OSBPL5: variants seen among roughly 807,000 people sequenced by gnomAD.
OSBPL5 encodes oxysterol-binding protein-related protein 5.
A neutral mutation model predicts 111.2 loss-of-function variants in OSBPL5; 71 were observed. The observed-to-expected ratio is 0.64, with a 90% CI of 0.53 to 0.78. The LOEUF (loss-of-function observed/expected upper bound fraction) is 0.78. OSBPL5 is among the 30% of genes least tolerant of loss of function. The pLI, the probability that OSBPL5 is intolerant of heterozygous loss-of-function variation, is 0.00. For synonymous variants in OSBPL5, 549 were observed against 513.9 expected (o/e 1.07, Z -0.93); for missense variants, 1,210 against 1,189.3 (o/e 1.02, Z -0.26).
chr11:3,136,308 C>T lies in OSBPL5; in HGVS notation c.-21-7139G>A, dbSNP rs1296360491. Among the ~76,000 whole-genome samples the T allele has an allele frequency of 3.9e-5, 6 of 152,380 alleles. No individual in the cohort carries two copies. The East Asian group carries it at 1.2e-3, about 29-fold the overall frequency. On this transcript the variant is annotated intron_variant, in intron 1 of 21. Coordinates refer to ENST00000263650, the MANE Select transcript of OSBPL5 (RefSeq NM_020896.4). Reference sequence around the variant, plus strand: ...CCTTACCCCCTGCCTCCCAGACGCTCGCCTTCAGGCTAGGATAAAGGGATT... The same window carrying T: ...CCTTACCCCCTGCCTCCCAGACGCTTGCCTTCAGGCTAGGATAAAGGGATT...
chr11:3,092,312 G>A lies in OSBPL5; in HGVS notation c.2259+120C>T, dbSNP rs1311002442. 1.1e-5 allele frequency: 15 copies of A among 1,322,806 alleles called. No individual in the cohort carries two copies. In the East Asian group the frequency reaches 3.6e-4, roughly 32 times the overall value. 81.9% of individuals were successfully genotyped at this position (1,322,806 alleles called of 1,614,324 possible). Reference sequence around the variant, plus strand: ...AAGGAAAGGGGACGAGGGGGCTGGGGGATGAGGGCGTGAGGGAAACGGAGC... The same window carrying A: ...AAGGAAAGGGGACGAGGGGGCTGGGAGATGAGGGCGTGAGGGAAACGGAGC... On this transcript the variant is annotated intron_variant, in intron 19 of 21. Coordinates refer to ENST00000263650, the MANE Select transcript of OSBPL5 (RefSeq NM_020896.4). This position sits in a 1 kb window ranked among gnomAD's most constrained non-coding sequence, Gnocchi z 5.4.
chr11:3,102,745 G>A lies in OSBPL5; in HGVS notation c.1327-464C>T, dbSNP rs567960105. Among the ~76,000 whole-genome samples the A allele has an allele frequency of 7.6e-4, 115 of 152,260 alleles. 1 individual carries two copies. Among genetic ancestry groups the A allele is most frequent in the South Asian group, 2.5e-3 (12 of 4,820 alleles). On this transcript the variant is annotated intron_variant, in intron 11 of 21. Coordinates refer to ENST00000263650, the MANE Select transcript of OSBPL5 (RefSeq NM_020896.4). ...GTGGTTTTCAAACTTGCTTCCCATG[G>A]AACCCCAGGGCTCTGTGGTGGGGTC...
At position 3,108,063 on chromosome 11, in the gene OSBPL5, C is replaced by A; in HGVS notation, c.692-118G>T. ...CTCTTCAGGGACCCACCCCCTCCAT[C>A]CCAGACCCACCCCTGGCCCTGCCCC... On this transcript the variant is annotated intron_variant, in intron 7 of 21. Transcript: ENST00000263650. The A allele has an allele frequency of 2.3e-6, 3 of 1,321,488 alleles. No homozygotes were observed. In the South Asian group the frequency reaches 4.3e-5, roughly 19 times the overall value. The allele number at this position is 1,321,488 out of a possible 1,614,324, so 81.9% of individuals were successfully genotyped here. A position where few individuals can be genotyped will look rare whatever the true frequency, so the allele number is the denominator to read the frequency against.
At position 3,101,616 on chromosome 11, in the gene OSBPL5, CT is replaced by C; in HGVS notation, c.1508del (p.Lys503SerfsTer22). The C allele has an allele frequency of 1.2e-6, 2 of 1,613,878 alleles. No individual in the cohort carries two copies. The highest frequency in any genetic ancestry group is 1.7e-6 in the Non-Finnish European group (2 of 1,179,958). On this transcript the variant is annotated frameshift_variant, in exon 13 of 22. Transcript: ENST00000263650. LOFTEE classifies it high-confidence loss of function. ...TGACCCCCTCACCATAAAACCTGGACTTGGCTGTGATGCTGCCACTGATGCA... is the reference window on the plus strand; with the variant it reads ...TGACCCCCTCACCATAAAACCTGGACTGGCTGTGATGCTGCCACTGATGCA... ...GFCISGSITA[K>X]SRFYGNSLSA...
At chr11:3,143,303 C>T (rs1018657897) in intron 1 of OSBPL5, among the ~76,000 whole-genome samples, 12 of 151,846 alleles carry the variant, frequency 7.9e-5, no homozygotes, top group Admixed American at 3.3e-4. Context: ...GACCAGCGAC[C>T]GGCTCCAGGG....
chr11:3,102,851 G>C (rs1325071928), intron 11 of OSBPL5, among the ~76,000 whole-genome samples: 1 of 152,180 alleles, frequency 6.6e-6, no homozygotes, highest in Non-Finnish European at 1.5e-5. Flanking sequence ...GGTTCTAAAA[G>C]GGGTTTCCAT....
At chr11:3,164,657 T>C (rs942576180) in intron 1 of OSBPL5, among the ~76,000 whole-genome samples, 6 of 152,172 alleles carry the variant, frequency 3.9e-5, no homozygotes, top group Non-Finnish European at 1.5e-5. Context: ...GGTCCTTCCC[T>C]AGCCTGTAAT....
At position 3,113,466 on chromosome 11, in the gene OSBPL5, C is replaced by T. The variant is rs556395691; in HGVS notation, c.692-5521G>A. ...AGTCAGGAGTTCAAGACCAGTCTGG[C>T]CAACATAGTGAAACCCCATCTCTAC... On this transcript the variant is annotated intron_variant, in intron 7 of 21. Transcript: ENST00000263650. This position sits in a 1 kb window ranked among gnomAD's most constrained non-coding sequence, Gnocchi z 4.8. 3.3e-5 allele frequency among the ~76,000 whole-genome samples: 5 copies of T among 152,048 alleles called. No homozygotes were observed. The highest frequency in any genetic ancestry group is 5.9e-5 in the Non-Finnish European group (4 of 68,028).
At position 3,137,372 on chromosome 11, in the gene OSBPL5, C is replaced by T. The variant is rs77275852; in HGVS notation, c.-21-8203G>A. ...TGGGCCCTGGGGGGCTTGGGACATGCGCTTTCCCAGGACATCTGCTGCACT... is the reference window on the plus strand; with the variant it reads ...TGGGCCCTGGGGGGCTTGGGACATGTGCTTTCCCAGGACATCTGCTGCACT... On this transcript the variant is annotated intron_variant, in intron 1 of 21. Coordinates refer to ENST00000263650, the MANE Select transcript of OSBPL5 (RefSeq NM_020896.4). Among the ~76,000 whole-genome samples the T allele has an allele frequency of 6.3e-3, 962 of 152,342 alleles. 13 individuals are homozygous for T. The highest frequency in any genetic ancestry group is 0.022 in the African/African-American group (908 of 41,572).
rs1378769363 is a variant in OSBPL5, at chr11:3,162,443, C to G, written c.-22+2773G>C. Among the ~76,000 whole-genome samples the G allele has an allele frequency of 6.6e-6, 1 of 152,014 alleles. No individual in the cohort carries two copies. The highest frequency in any genetic ancestry group is 2.4e-5 in the African/African-American group (1 of 41,382). On this transcript the variant is annotated intron_variant, in intron 1 of 21. Coordinates refer to ENST00000263650, the MANE Select transcript of OSBPL5 (RefSeq NM_020896.4). The surrounding 1 kb of genome is among the most constrained non-coding windows in gnomAD (Gnocchi z 8.1). ...ACCTCAAGCCCTGGTCCTGAGGACA[C>G]AGCTGGTGCCCACTCCGCTTAGTGT...
At chr11:3,148,423 C>A (rs921032692) in intron 1 of OSBPL5, among the ~76,000 whole-genome samples, 3 of 152,220 alleles carry the variant, frequency 2.0e-5, no homozygotes. Flanking sequence ...CTTTGCCCCC[C>A]ACACCTTCCT....
At chr11:3,152,921 C>T (rs1382174716) in intron 1 of OSBPL5, among the ~76,000 whole-genome samples, 2 of 152,156 alleles carry the variant, frequency 1.3e-5, no homozygotes, top group East Asian at 1.9e-4. Context: ...CGCGTCCGTC[C>T]GCTCCCGGTT....
intron 14 of OSBPL5, among the ~76,000 whole-genome samples, chr11:3,097,973 C>T (rs2134398335): frequency 6.6e-6 from 1 of 152,234 alleles, no homozygotes; most frequent in Admixed American, 6.5e-5. Context: ...GAGGCTGAGG[C>T]AGGAGAATTG....
Position 3,088,085 on chromosome 11 carries a change from G to T in OSBPL5, c.*120C>A. On this transcript the variant is annotated 3_prime_UTR_variant, in exon 22 of 22. Coordinates refer to ENST00000263650, the MANE Select transcript of OSBPL5 (RefSeq NM_020896.4). ...TGGCCCCGGGTCCCTCCTGCGCCTG[G>T]ACTCCCCGTCACAGTGGCTGTGCTT... The T allele has an allele frequency of 9.9e-7, 1 of 1,010,070 alleles. No homozygotes were observed. 62.6% of individuals were successfully genotyped at this position (1,010,070 alleles called of 1,614,324 possible).
rs1416518952 is a variant in OSBPL5, at chr11:3,092,267, G to A, written c.2259+165C>T. 6.6e-6 allele frequency among the ~76,000 whole-genome samples: 1 copy of A among 152,164 alleles called. No homozygotes were observed. Among genetic ancestry groups the A allele is most frequent in the Non-Finnish European group, 1.5e-5 (1 of 68,022 alleles). ...AGCATCCTGCAAATCCCGGTTTCCT[G>A]AGTCCCATGCTCGGCAGAGAAGGAA... is the stretch of plus-strand genomic sequence containing the variant. On this transcript the variant is annotated intron_variant, in intron 19 of 21. Transcript: ENST00000263650. The surrounding 1 kb of genome is among the most constrained non-coding windows in gnomAD (Gnocchi z 5.4).
chr11:3,101,551 G>T, intron 13 of OSBPL5, 52 bp downstream of exon 13: 1 of 1,530,872 alleles, frequency 6.5e-7, no homozygotes, highest in South Asian at 1.1e-5. Flanking sequence ...GAGTCCTCCC[G>T]ACCATCGCAT....
chr11:3,133,366 C>G (rs1485203047), intron 1 of OSBPL5, among the ~76,000 whole-genome samples: 1 of 152,232 alleles, frequency 6.6e-6, no homozygotes, highest in Non-Finnish European at 1.5e-5. Context: ...CAGCAGCGAC[C>G]TGGGATCCCA....
chr11:3,100,623 G>A (rs12282905), intron 13 of OSBPL5, among the ~76,000 whole-genome samples: 25,432 of 152,074 alleles, frequency 0.17, 2,573 homozygotes, highest in African/African-American at 0.29. Flanking sequence ...GCCACGAGTC[G>A]CAGGTACTGC....
At chr11:3,093,955 G>C (rs1857157445) in intron 15 of OSBPL5, 120 bp from the exon 16 acceptor site, 2 of 1,253,964 alleles carry the variant, frequency 1.6e-6, no homozygotes, top group East Asian at 5.1e-5. Flanking sequence ...AGGAGGGATG[G>C]ACCCAACCCT....
Sources: gnomAD v4.1 joint callset for allele counts (sites outside exome capture counted in the v4.1 genomes callset) on GRCh38, gnomAD v4.1.1 for gene constraint, Gnocchi (gnomAD v3.1) non-coding constraint, MANE v1.5 for transcripts, NCBI Gene and HGNC (gene_info 2026-07-23, HGNC 2026-07-21) for gene names.